The following TMEM163 variants were observed in gnomAD, a reference collection of about 807,000 sequenced individuals.
TMEM163 encodes transmembrane protein 163.
Under a neutral mutation model 29.3 loss-of-function variants are expected in TMEM163, and 17 were observed. The ratio of observed to expected loss-of-function variants is 0.58; its 90% confidence interval spans 0.40 to 0.87. The LOEUF is 0.87. TMEM163 is among the 40% of genes least tolerant of loss of function. TMEM163 has a pLI of 0.00. For synonymous variants in TMEM163, 157 were observed against 160.6 expected (o/e 0.98, Z 0.17); for missense variants, 303 against 381.5 (o/e 0.79, Z 1.71).
rs113499623 is a variant in TMEM163, at chr2:134,672,510, T to C, written c.322+40690A>G. On this transcript the variant is annotated intron_variant, in intron 2 of 7. Coordinates refer to ENST00000281924, the MANE Select transcript of TMEM163 (RefSeq NM_030923.5). ...GATCCTCTCACCTTAGCCTCCCCAG[T>C]AGCTGGGACCACAGCCACACCTGCC... Among the ~76,000 whole-genome samples the C allele has an allele frequency of 9.3e-4, 142 of 152,214 alleles. 1 individual carries two copies. Among genetic ancestry groups the C allele is most frequent in the African/African-American group, 3.3e-3 (137 of 41,532 alleles).
At chr2:134,696,828 T>A (rs776958291) in intron 2 of TMEM163, among the ~76,000 whole-genome samples, 1 of 152,164 alleles carries the variant, frequency 6.6e-6, no homozygotes, top group African/African-American at 2.4e-5. Flanking sequence ...CAGGCTAGAG[T>A]GCAGTGGCAT....
At chr2:134,669,414 G>A (rs1219786774) in intron 2 of TMEM163, among the ~76,000 whole-genome samples, 1 of 152,196 alleles carries the variant, frequency 6.6e-6, no homozygotes. Context: ...ATCATCTCCA[G>A]ATGGAAGACA....
intron 4 of TMEM163, among the ~76,000 whole-genome samples, chr2:134,524,628 T>C (rs1446631621): frequency 1.3e-5 from 2 of 150,292 alleles, no homozygotes; most frequent in Non-Finnish European, 3.0e-5. Flanking sequence ...GGTGTTCGGC[T>C]TTGTTCCTAT....
At chr2:134,486,287 C>A (rs919284372) in intron 5 of TMEM163, among the ~76,000 whole-genome samples, 1 of 152,232 alleles carries the variant, frequency 6.6e-6, no homozygotes, top group Middle Eastern at 3.4e-3. Context: ...TACCCACCCC[C>A]AAAACCGAAT....
intron 2 of TMEM163, among the ~76,000 whole-genome samples, chr2:134,634,934 A>G (rs907380187): frequency 2.0e-5 from 3 of 152,266 alleles, no homozygotes; most frequent in Non-Finnish European, 4.4e-5. Flanking sequence ...AGAAAAGGAT[A>G]AAAGAGAGAT....
At chr2:134,631,396 G>A (rs1170346892) in intron 2 of TMEM163, among the ~76,000 whole-genome samples, 1 of 152,122 alleles carries the variant, frequency 6.6e-6, no homozygotes, top group African/African-American at 2.4e-5. Flanking sequence ...TCTTTGCTGG[G>A]GGGCCTTCCT....
chr2:134,497,662 C>T (rs1237989424), intron 5 of TMEM163, among the ~76,000 whole-genome samples: 1 of 152,234 alleles, frequency 6.6e-6, no homozygotes, highest in East Asian at 1.9e-4. Context: ...ATTTACTTCT[C>T]ACAGTTCTGT....
At chr2:134,645,886 T>A (rs978811565) in intron 2 of TMEM163, among the ~76,000 whole-genome samples, 1 of 152,214 alleles carries the variant, frequency 6.6e-6, no homozygotes, top group South Asian at 2.1e-4. Context: ...GTAGTTAACA[T>A]GATCTTACAA....
chr2:134,503,231 G>C (rs1679738926), intron 4 of TMEM163, among the ~76,000 whole-genome samples: 3 of 152,194 alleles, frequency 2.0e-5, no homozygotes, highest in African/African-American at 7.2e-5. Context: ...CCATCCTACA[G>C]AAGCTCACAG....
chr2:134,659,827 C>T (rs1162674795), intron 2 of TMEM163, among the ~76,000 whole-genome samples: 3 of 151,806 alleles, frequency 2.0e-5, no homozygotes, highest in Middle Eastern at 6.8e-3. Context: ...GCCTGTAGTC[C>T]CAAGGAGGCT....
chr2:134,684,644 G>C (rs1684316013), intron 2 of TMEM163, among the ~76,000 whole-genome samples: 1 of 152,116 alleles, frequency 6.6e-6, no homozygotes, highest in Non-Finnish European at 1.5e-5. Flanking sequence ...CTTAAAAGCA[G>C]GCCGGGCGAG....
chr2:134,529,530 T>C (rs36054644), intron 4 of TMEM163, among the ~76,000 whole-genome samples: 40,709 of 151,390 alleles, frequency 0.27, 5,651 homozygotes, highest in Middle Eastern at 0.39. Context: ...GGTGGAATGA[T>C]CTGAGGTCAG....
At chr2:134,526,417 A>C (rs1199640361) in intron 4 of TMEM163, among the ~76,000 whole-genome samples, 1 of 152,144 alleles carries the variant, frequency 6.6e-6, no homozygotes, top group Non-Finnish European at 1.5e-5. Context: ...CACATCCTAC[A>C]GCACCACTAA....
At chr2:134,491,452 G>A (rs1338141939) in intron 5 of TMEM163, among the ~76,000 whole-genome samples, 9 of 152,022 alleles carry the variant, frequency 5.9e-5, no homozygotes, top group Middle Eastern at 3.4e-3. Context: ...TCTCGGGGCC[G>A]TATTTCCTCT....
intron 5 of TMEM163, among the ~76,000 whole-genome samples, chr2:134,485,960 T>C (rs935092909): frequency 6.6e-6 from 1 of 152,128 alleles, no homozygotes; most frequent in Non-Finnish European, 1.5e-5. Context: ...GCCTGCTCCA[T>C]GAGAAAGTCC....
chr2:134,534,940 CG>C (rs1558936895), intron 4 of TMEM163, among the ~76,000 whole-genome samples: 2 of 151,996 alleles, frequency 1.3e-5, no homozygotes, highest in African/African-American at 2.4e-5. Context: ...TGCTCAAAGT[CG>C]GGGTAAGGGG....
intron 4 of TMEM163, among the ~76,000 whole-genome samples, chr2:134,548,721 T>C (rs1680842960): frequency 6.6e-6 from 1 of 152,200 alleles, no homozygotes; most frequent in Non-Finnish European, 1.5e-5. Context: ...CATAATGAGA[T>C]ATATTGGGGA....
At chr2:134,624,377 A>G (rs1682801592) in intron 2 of TMEM163, among the ~76,000 whole-genome samples, 1 of 152,174 alleles carries the variant, frequency 6.6e-6, no homozygotes, top group Non-Finnish European at 1.5e-5. Flanking sequence ...AAAACCAGAT[A>G]CCGCATGTTC....
At chr2:134,492,619 T>C (rs1268725695) in intron 5 of TMEM163, among the ~76,000 whole-genome samples, 1 of 152,206 alleles carries the variant, frequency 6.6e-6, no homozygotes, top group Non-Finnish European at 1.5e-5. Context: ...CATACTCCTT[T>C]TTGCCTTGCT....
Sources: allele counts gnomAD v4.1 joint callset (sites outside exome capture counted in the v4.1 genomes callset), GRCh38; gene constraint gnomAD v4.1.1; transcripts MANE v1.5; gene names NCBI Gene and HGNC (gene_info 2026-07-23, HGNC 2026-07-21).